Variants in LRTM3 observed in about 807,000 individuals in gnomAD.
LRTM3 encodes the protein leucine-rich repeat transmembrane protein 3.
the LRTM3 span, among the ~76,000 whole-genome samples, chr13:102,754,403 A>G: frequency 1.3e-5 from 2 of 151,658 alleles, no homozygotes; most frequent in Non-Finnish European, 2.9e-5. Context: ...TCACCCCCAC[A>G]CCCTGTTTTG....
the LRTM3 span, chr13:102,750,340 T>C: frequency 1.9e-6 from 3 of 1,540,184 alleles, no homozygotes; most frequent in Non-Finnish European, 2.6e-6. Flanking sequence ...ATTCCTTTTC[T>C]TCAGATGTAA....
the LRTM3 span, chr13:102,731,053 T>A: frequency 6.4e-7 from 1 of 1,551,334 alleles, no homozygotes; most frequent in Non-Finnish European, 8.7e-7. Context: ...GCATGAGGAG[T>A]TTGCCTTTTT....
the LRTM3 span, among the ~76,000 whole-genome samples, chr13:102,756,917 G>A: frequency 2.0e-5 from 3 of 151,978 alleles, no homozygotes; most frequent in Admixed American, 2.0e-4. Flanking sequence ...AGGCAGGAAG[G>A]GAATAATAGG....
the LRTM3 span, among the ~76,000 whole-genome samples, chr13:102,755,946 T>TAC: frequency 2.4e-5 from 1 of 42,460 alleles, no homozygotes; most frequent in African/African-American, 6.7e-5. Context: ...TATATACATA[T>TAC]ATATATATAT....
At chr13:102,736,396 A>G in the LRTM3 span, 9 of 1,550,936 alleles carry the variant, frequency 5.8e-6, no homozygotes, top group South Asian at 9.5e-5. Flanking sequence ...GCATCAGGCC[A>G]TGCATGGATA....
the LRTM3 span, chr13:102,739,574 C>A: frequency 1.9e-6 from 3 of 1,550,154 alleles, no homozygotes; most frequent in Non-Finnish European, 2.6e-6. Context: ...TTGCATCTTG[C>A]CCTCTTGTTT....
chr13:102,731,928 T>A, the LRTM3 span: 75 of 1,549,790 alleles, frequency 4.8e-5, no homozygotes, highest in Non-Finnish European at 6.0e-5. Context: ...TCTGGTTTTT[T>A]AATGATCCTT....
chr13:102,731,299 C>T, the LRTM3 span: 10 of 1,551,214 alleles, frequency 6.4e-6, no homozygotes, highest in Non-Finnish European at 7.8e-6. Flanking sequence ...ACATAAAGTT[C>T]ATTGTTTTAT....
the LRTM3 span, chr13:102,745,733 A>G: frequency 1.9e-6 from 3 of 1,551,166 alleles, no homozygotes; most frequent in Non-Finnish European, 2.6e-6. Context: ...ATCAGATGAG[A>G]TACCACCTTC....
chr13:102,743,911 G>A, the LRTM3 span: 1 of 1,550,658 alleles, frequency 6.4e-7, no homozygotes, highest in South Asian at 1.2e-5. Flanking sequence ...AAAGACCCAA[G>A]AAAATTGCAG....
the LRTM3 span, chr13:102,740,275 C>T: frequency 1.3e-6 from 2 of 1,549,908 alleles, no homozygotes; most frequent in Non-Finnish European, 1.7e-6. Context: ...CTAAAGGCAG[C>T]ATTGAATCTT....
chr13:102,741,418 C>T, the LRTM3 span: 2 of 1,550,240 alleles, frequency 1.3e-6, no homozygotes, highest in South Asian at 2.4e-5. Flanking sequence ...TGTGCTGTAC[C>T]TCTGAATTTG....
chr13:102,739,215 C>A, the LRTM3 span: 2 of 1,550,180 alleles, frequency 1.3e-6, no homozygotes, highest in South Asian at 1.2e-5. Context: ...CGTTGTGGTT[C>A]TTTTCCATGC....
the LRTM3 span, chr13:102,747,188 T>C: frequency 6.4e-7 from 1 of 1,550,692 alleles, no homozygotes; most frequent in East Asian, 2.4e-5. Context: ...TTGGGATTCC[T>C]CTTGGACTAG....
chr13:102,756,673 T>TAAAAAAAAAAAA, the LRTM3 span, among the ~76,000 whole-genome samples: 5 of 67,018 alleles, frequency 7.5e-5, no homozygotes, highest in African/African-American at 2.2e-4. Flanking sequence ...AAACTCTGTC[T>TAAAAAAAAAAAA]AAAAAAAAAA....
At chr13:102,740,270 G>T in the LRTM3 span, 1 of 1,550,038 alleles carries the variant, frequency 6.5e-7, no homozygotes, top group South Asian at 1.2e-5. Context: ...TGATCCTAAA[G>T]GCAGCATTGA....
chr13:102,755,108 T>C, the LRTM3 span, among the ~76,000 whole-genome samples: 1 of 152,226 alleles, frequency 6.6e-6, no homozygotes, highest in Non-Finnish European at 1.5e-5. Flanking sequence ...CCTGGTCAGC[T>C]CGGGTCCCCG....
At chr13:102,738,405 G>A in the LRTM3 span, 6 of 1,550,814 alleles carry the variant, frequency 3.9e-6, no homozygotes, top group Non-Finnish European at 4.4e-6. Flanking sequence ...GTATCCAGTT[G>A]TAAATGAGAA....
the LRTM3 span, chr13:102,746,426 C>T: frequency 6.4e-7 from 1 of 1,551,190 alleles, no homozygotes; most frequent in Non-Finnish European, 8.7e-7. Flanking sequence ...ACAGAACTCT[C>T]TCTGCAATCT....
Sources: gnomAD v4.1 joint callset for allele counts (sites outside exome capture counted in the v4.1 genomes callset) on GRCh38, gnomAD v4.1.1 for gene constraint, MANE v1.5 for transcripts, NCBI Gene and HGNC (gene_info 2026-07-23, HGNC 2026-07-21) for gene names.